Variants in AKAP6 observed in about 807,000 individuals in gnomAD.
AKAP6 encodes the protein A-kinase anchor protein 6.
AKAP6 carries 58 observed loss-of-function variants against 188.5 expected under a neutral mutation model. The observed-to-expected ratio is 0.31, with a 90% CI of 0.25 to 0.38. AKAP6 has a LOEUF of 0.38. Among genes scored for constraint, AKAP6 ranks in the 10% least tolerant of loss-of-function variants. The probability of loss-of-function intolerance (pLI) is 1.00; values close to 1 mark genes in which losing one functional copy is unlikely to be tolerated. For synonymous variants in AKAP6, 989 were observed against 998.6 expected (o/e 0.99, Z 0.18); for missense variants, 2,710 against 2,740.0 (o/e 0.99, Z 0.24).
intron 2 of AKAP6, among the ~76,000 whole-genome samples, chr14:32,513,725 A>C (rs184426109): frequency 6.6e-6 from 1 of 152,210 alleles, no homozygotes; most frequent in African/African-American, 2.4e-5. Context: ...AATTTTAAAC[A>C]TACAGATAAA....
intron 12 of AKAP6, among the ~76,000 whole-genome samples, chr14:32,795,645 A>G (rs1381940878): frequency 6.6e-6 from 1 of 152,202 alleles, no homozygotes; most frequent in Admixed American, 6.5e-5. Flanking sequence ...ATACCTTAAA[A>G]TAATAAGAGC....
chr14:32,600,646 C>A lies in AKAP6; in HGVS notation c.2584C>A (p.Arg862=). ...SHKAGLKDML[R]MIASQWKELQ... ...TGGAGAAGGACTGAAGGACATGCTGCGGATGATTGCAAGTCAATGGAAGGA... is the reference window on the plus strand; with the variant it reads ...TGGAGAAGGACTGAAGGACATGCTGAGGATGATTGCAAGTCAATGGAAGGA... Residue 862 remains arginine, a synonymous_variant, in exon 7 of 14, where the codon CGG becomes AGG. Coordinates refer to ENST00000280979, the MANE Select transcript of AKAP6 (RefSeq NM_004274.5). 6.2e-7 allele frequency: 1 copy of A among 1,612,432 alleles called. No individual in the cohort carries two copies. Among genetic ancestry groups the A allele is most frequent in the East Asian group, 2.2e-5 (1 of 44,844 alleles).
At chr14:32,788,445 C>T (rs1251776976) in intron 12 of AKAP6, among the ~76,000 whole-genome samples, 1 of 152,200 alleles carries the variant, frequency 6.6e-6, no homozygotes, top group African/African-American at 2.4e-5. Context: ...AATTCAGCAC[C>T]TTCAACTTAT....
At chr14:32,738,578 C>T (rs1315742411) in intron 11 of AKAP6, among the ~76,000 whole-genome samples, 3 of 151,942 alleles carry the variant, frequency 2.0e-5, no homozygotes, top group African/African-American at 7.3e-5. Context: ...TTATGATGAC[C>T]TTCTTATATG....
intron 5 of AKAP6, among the ~76,000 whole-genome samples, chr14:32,596,805 T>C (rs1885723575): frequency 6.6e-6 from 1 of 152,150 alleles, no homozygotes; most frequent in Non-Finnish European, 1.5e-5. Flanking sequence ...ATAAAACCCT[T>C]TCATCCAAGC....
chr14:32,486,361 T>C (rs77450423), intron 2 of AKAP6, among the ~76,000 whole-genome samples: 46,590 of 152,178 alleles, frequency 0.31, 8,778 homozygotes, highest in East Asian at 0.65. Flanking sequence ...AGAAAGACGA[T>C]GGTAGCTTGA....
chr14:32,577,351 A>T, intron 5 of AKAP6, 109 bp downstream of exon 5: 1 of 1,405,034 alleles, frequency 7.1e-7, no homozygotes, highest in Non-Finnish European at 9.6e-7. Context: ...ACTATATGTC[A>T]ATGAAACCAA....
Position 32,735,675 on chromosome 14 carries a change from G to T in AKAP6, c.3165G>T (p.Lys1055Asn). 6.3e-7 allele frequency: 1 copy of T among 1,595,912 alleles called. No individual in the cohort carries two copies. Reference protein sequence around the residue: ...WELLGKTLGEKIQDTMAGHSG... With the variant: ...WELLGKTLGENIQDTMAGHSG... The stretch of plus-strand genomic sequence containing the variant: ...TGCATTAGAAAACCCTAGGAGAGAA[G>T]ATCCAGGACACAATGGCAGGGCACA... The change falls in exon 11 of 14, where the codon AAG (lysine) becomes AAT (asparagine). Residue 1055 changes from lysine (K) to asparagine (N), a missense_variant. Transcript: ENST00000280979.
chr14:32,396,415 C>A (rs1387184249), intron 1 of AKAP6, among the ~76,000 whole-genome samples: 1 of 152,148 alleles, frequency 6.6e-6, no homozygotes, highest in East Asian at 1.9e-4. Context: ...TAACTGAACC[C>A]TGACTTTCTT....
At chr14:32,509,779 T>A (rs1881080281) in intron 2 of AKAP6, among the ~76,000 whole-genome samples, 1 of 152,084 alleles carries the variant, frequency 6.6e-6, no homozygotes, top group African/African-American at 2.4e-5. Flanking sequence ...ACTCCCAGAT[T>A]TGGTTTGGCT....
At chr14:32,552,152 G>A (rs1005196250) in intron 4 of AKAP6, among the ~76,000 whole-genome samples, 3 of 152,190 alleles carry the variant, frequency 2.0e-5, no homozygotes, top group Non-Finnish European at 2.9e-5. Flanking sequence ...CTGAATGACT[G>A]AATCCCCATT....
intron 1 of AKAP6, among the ~76,000 whole-genome samples, chr14:32,396,777 G>T (rs570424910): frequency 8.5e-5 from 13 of 152,052 alleles, no homozygotes; most frequent in Admixed American, 5.9e-4. Context: ...AATGGAATTT[G>T]GGGGAAATCA....
At chr14:32,494,058 T>C (rs146532592) in intron 2 of AKAP6, among the ~76,000 whole-genome samples, 1 of 152,194 alleles carries the variant, frequency 6.6e-6, no homozygotes, top group African/African-American at 2.4e-5. Flanking sequence ...TTATCCACTT[T>C]GGTGTTCTCT....
At chr14:32,364,543 A>G (rs1464808589) in intron 1 of AKAP6, among the ~76,000 whole-genome samples, 1 of 152,184 alleles carries the variant, frequency 6.6e-6, no homozygotes, top group Non-Finnish European at 1.5e-5. Context: ...AAGGTAAATT[A>G]TAATTTTTTT....
intron 12 of AKAP6, among the ~76,000 whole-genome samples, chr14:32,803,500 T>C (rs1342801163): frequency 1.3e-5 from 2 of 152,230 alleles, no homozygotes; most frequent in African/African-American, 4.8e-5. Flanking sequence ...AGAAAAGTTC[T>C]TCTAAAAATC....
chr14:32,653,366 T>C (rs944942794), intron 7 of AKAP6, among the ~76,000 whole-genome samples: 4 of 152,196 alleles, frequency 2.6e-5, no homozygotes, highest in African/African-American at 7.2e-5. Context: ...GGTGTTTAGA[T>C]TATGAGGGCT....
intron 7 of AKAP6, among the ~76,000 whole-genome samples, chr14:32,623,771 C>T (rs1886905073): frequency 1.3e-5 from 2 of 152,208 alleles, no homozygotes; most frequent in Admixed American, 1.3e-4. Context: ...TTTAAACTTC[C>T]AGTTCATAAA....
At chr14:32,540,375 T>G (rs1882894870) in intron 3 of AKAP6, among the ~76,000 whole-genome samples, 1 of 151,510 alleles carries the variant, frequency 6.6e-6, no homozygotes, top group Non-Finnish European at 1.5e-5. Flanking sequence ...ATTTTTGTAT[T>G]TTTAGTAGAG....
At position 32,696,121 on chromosome 14, in the gene AKAP6, C is replaced by T. The variant is rs182666369; in HGVS notation, c.3000+11C>T. On this transcript the variant is annotated intron_variant, in intron 9 of 13. Coordinates refer to ENST00000280979, the MANE Select transcript of AKAP6 (RefSeq NM_004274.5). ...CAGCATCTTTACAAGGTTAGAGCTA[C>T]CCTTCCTGCCTTTACCTTGCTGTGG... is the stretch of plus-strand genomic sequence containing the variant. The T allele has an allele frequency of 1.1e-5, 17 of 1,591,194 alleles. No individual in the cohort carries two copies. Among genetic ancestry groups the T allele is most frequent in the Admixed American group, 9.4e-5 (5 of 53,066 alleles).
Sources: gnomAD v4.1 joint callset for allele counts (sites outside exome capture counted in the v4.1 genomes callset) on GRCh38, gnomAD v4.1.1 for gene constraint, MANE v1.5 for transcripts, NCBI Gene and HGNC (gene_info 2026-07-23, HGNC 2026-07-21) for gene names.